The following MED26 variants were observed in gnomAD, a reference collection of about 807,000 sequenced individuals.
MED26 encodes mediator complex subunit 26, also known as mediator of RNA polymerase II transcription subunit 26.
A neutral mutation model predicts 43.7 loss-of-function variants in MED26; 7 were observed. That is an observed-to-expected ratio of 0.16 (90% CI 0.09 to 0.30). The LOEUF (loss-of-function observed/expected upper bound fraction) is 0.30, where lower values mean the gene tolerates loss of function less well. Among genes scored for constraint, MED26 ranks in the 10% least tolerant of loss-of-function variants. MED26 has a pLI of 1.00. For synonymous variants in MED26, 375 were observed against 371.1 expected (o/e 1.01, Z -0.12); for missense variants, 784 against 840.6 (o/e 0.93, Z 0.83).
intron 1 of MED26, 163 bp from the exon 2 acceptor site, chr19:16,578,572 A>G: frequency 1.6e-6 from 1 of 633,626 alleles, no homozygotes; most frequent in Non-Finnish European, 2.8e-6. Flanking sequence ...TCCCTGGGCC[A>G]ACCTGGCACC....
intron 1 of MED26, among the ~76,000 whole-genome samples, chr19:16,589,678 T>G (rs1264791275): frequency 6.6e-6 from 1 of 152,210 alleles, no homozygotes; most frequent in Non-Finnish European, 1.5e-5. Flanking sequence ...CTGGGTGGAC[T>G]GGGGTTCTCA....
At chr19:16,580,002 C>A (rs12461650) in intron 1 of MED26, among the ~76,000 whole-genome samples, 1 of 152,158 alleles carries the variant, frequency 6.6e-6, no homozygotes, top group African/African-American at 2.4e-5. Flanking sequence ...GACTTGAATG[C>A]TGTGGGACAC....
Position 16,576,960 on chromosome 19 carries a change from C to T in MED26, c.870G>A (p.Leu290=). The change falls in exon 3 of 3, where the codon TTG becomes TTA. Residue 290 remains leucine (L), a synonymous_variant. Coordinates refer to ENST00000263390, the MANE Select transcript of MED26 (RefSeq NM_004831.5). This position sits in a 1 kb window ranked among gnomAD's most constrained non-coding sequence, Gnocchi z 6.8. ...HEGSFARQQS[L]YAPKGSVPSP... The stretch of plus-strand genomic sequence containing the variant: ...TGGGCACGGAGCCCTTGGGTGCATA[C>T]AAGCTCTGCTGCCGGGCAAAGGAGC... The T allele has an allele frequency of 6.3e-7, 1 of 1,598,082 alleles. No homozygotes were observed.
chr19:16,626,458 A>G (rs1377076293), intron 1 of MED26, among the ~76,000 whole-genome samples: 1 of 152,226 alleles, frequency 6.6e-6, no homozygotes, highest in African/African-American at 2.4e-5. Context: ...AATGTACAAT[A>G]TAACATTTGT....
At chr19:16,594,031 G>A (rs575529759) in intron 1 of MED26, among the ~76,000 whole-genome samples, 11 of 152,314 alleles carry the variant, frequency 7.2e-5, no homozygotes, top group Admixed American at 4.6e-4. Context: ...ATATAAGGAG[G>A]GAGAAGGGAA....
At chr19:16,590,251 C>T (rs918907267) in intron 1 of MED26, among the ~76,000 whole-genome samples, 1 of 152,180 alleles carries the variant, frequency 6.6e-6, no homozygotes, top group African/African-American at 2.4e-5. Context: ...ACAGATACGC[C>T]CCCTCCACCC....
intron 1 of MED26, among the ~76,000 whole-genome samples, chr19:16,594,426 A>AC (rs1411406927): frequency 3.9e-5 from 6 of 152,126 alleles, no homozygotes; most frequent in African/African-American, 1.2e-4. Flanking sequence ...CGCGCATCTC[A>AC]CAAGTGGGGA....
intron 1 of MED26, among the ~76,000 whole-genome samples, chr19:16,591,043 AAAATAAAATAAATAAAT>A (rs2086094627): frequency 7.9e-6 from 1 of 127,172 alleles, no homozygotes; most frequent in African/African-American, 3.1e-5. Context: ...TTCTCAAAAT[AAAATAAAATAAATAAAT>A]AAATAAATAA....
intron 1 of MED26, among the ~76,000 whole-genome samples, chr19:16,606,522 T>A (rs2086174044): frequency 6.6e-6 from 1 of 152,056 alleles, no homozygotes; most frequent in South Asian, 2.1e-4. Flanking sequence ...GCACTCCAGC[T>A]TGGGTGACAG....
intron 1 of MED26, 130 bp from the exon 2 acceptor site, chr19:16,578,539 A>C: frequency 1.3e-6 from 1 of 790,576 alleles, no homozygotes; most frequent in East Asian, 2.7e-5. Context: ...TGAAGCCCCC[A>C]CTCCATGTCG....
intron 1 of MED26, among the ~76,000 whole-genome samples, chr19:16,579,825 T>C (rs1216939590): frequency 2.6e-5 from 4 of 152,218 alleles, no homozygotes; most frequent in South Asian, 4.1e-4. Flanking sequence ...TGCATTTTTT[T>C]CCAAAAATAT....
chr19:16,618,070 G>C (rs2086234025), intron 1 of MED26, among the ~76,000 whole-genome samples: 1 of 152,190 alleles, frequency 6.6e-6, no homozygotes, highest in Admixed American at 6.5e-5. Context: ...AAGAAGCCAG[G>C]CCAGGAAACA....
At position 16,619,046 on chromosome 19, in the gene MED26, C is replaced by T. The variant is rs75145407; in HGVS notation, c.72+8826G>A. Among the ~76,000 whole-genome samples the T allele has an allele frequency of 2.5e-3, 388 of 152,344 alleles. 1 individual carries two copies. The highest frequency in any genetic ancestry group is 8.6e-3 in the African/African-American group (359 of 41,586). On this transcript the variant is annotated intron_variant, in intron 1 of 2. Transcript: ENST00000263390. ...CATCAGCCCCTTTGTGTCTAAGCTCCTGCCACCAGCACAGTGCTAACCTCC... is the reference window on the plus strand; with the variant it reads ...CATCAGCCCCTTTGTGTCTAAGCTCTTGCCACCAGCACAGTGCTAACCTCC...
At chr19:16,584,265 AAG>A (rs996449720) in intron 1 of MED26, among the ~76,000 whole-genome samples, 7 of 151,706 alleles carry the variant, frequency 4.6e-5, no homozygotes, top group Admixed American at 3.9e-4. Flanking sequence ...AAAAAAGAAA[AAG>A]AAAAAAAAAA....
At chr19:16,616,387 C>G (rs1477701844) in intron 1 of MED26, among the ~76,000 whole-genome samples, 5 of 152,176 alleles carry the variant, frequency 3.3e-5, no homozygotes, top group African/African-American at 9.7e-5. Flanking sequence ...CTATATGCCA[C>G]CTAAAGAGCT....
At chr19:16,593,899 C>T (rs2086108980) in intron 1 of MED26, among the ~76,000 whole-genome samples, 1 of 152,210 alleles carries the variant, frequency 6.6e-6, no homozygotes, top group African/African-American at 2.4e-5. Context: ...GTTTGCTCAG[C>T]AAGGCTCAAC....
At chr19:16,603,799 C>T (rs954583510) in intron 1 of MED26, among the ~76,000 whole-genome samples, 3 of 152,136 alleles carry the variant, frequency 2.0e-5, no homozygotes, top group Admixed American at 6.5e-5. Flanking sequence ...TCTCTGGCTC[C>T]GTAAGGCTCC....
At chr19:16,627,028 G>C (rs556575671) in intron 1 of MED26, among the ~76,000 whole-genome samples, 16 of 150,632 alleles carry the variant, frequency 1.1e-4, no homozygotes, top group Non-Finnish European at 2.1e-4. Flanking sequence ...CGACACTCTG[G>C]AGTTAACCCC....
chr19:16,619,389 T>A (rs532195374), intron 1 of MED26, among the ~76,000 whole-genome samples: 3 of 152,146 alleles, frequency 2.0e-5, no homozygotes, highest in Admixed American at 1.3e-4. Flanking sequence ...AACTACTACA[T>A]CACCCTGGGG....
Sources: gnomAD v4.1 joint callset for allele counts (sites outside exome capture counted in the v4.1 genomes callset) on GRCh38, gnomAD v4.1.1 for gene constraint, Gnocchi (gnomAD v3.1) non-coding constraint, MANE v1.5 for transcripts, NCBI Gene and HGNC (gene_info 2026-07-23, HGNC 2026-07-21) for gene names.